The following LAMB1 variants were observed in gnomAD, a reference collection of about 807,000 sequenced individuals.
LAMB1 encodes laminin subunit beta 1.
In LAMB1, 121 loss-of-function variants were observed where a neutral mutation model predicts 222.3. The observed-to-expected ratio is 0.54, with a 90% CI of 0.47 to 0.63. The LOEUF is 0.63. LAMB1 is among the 30% of genes least tolerant of loss of function. The probability of loss-of-function intolerance (pLI) is 0.00; values close to 1 mark genes in which losing one functional copy is unlikely to be tolerated. For missense variants in LAMB1, 2,172 were observed against 2,240.8 expected (o/e 0.97, Z 0.62); for synonymous variants, 794 against 807.2 (o/e 0.98, Z 0.28).
chr7:107,974,341 T>C (rs2033808910), intron 12 of LAMB1, among the ~76,000 whole-genome samples: 2 of 151,084 alleles, frequency 1.3e-5, no homozygotes, highest in African/African-American at 4.9e-5. Flanking sequence ...CAAGATACTA[T>C]TCATATCCTG....
At position 107,975,079 on chromosome 7, in the gene LAMB1, C is replaced by T. The variant is rs2150438481; in HGVS notation, c.1389G>A (p.Leu463=). 1 of 1,610,352 alleles carries T rather than the reference C, an allele frequency of 6.2e-7. No individual in the cohort carries two copies. Among genetic ancestry groups the T allele is most frequent in the Non-Finnish European group, 8.5e-7 (1 of 1,176,666 alleles). ...AAGGATTCCCTCCAGGAATTGTTCC[C>T]AGAGGATTGCAAGCACAAGCTGTAT... ...FGCKSCACNP[L]GTIPGGNPCD... The change falls in exon 12 of 34, where the codon CTG becomes CTA. Residue 463 remains leucine, a synonymous_variant. Coordinates refer to ENST00000222399, the MANE Select transcript of LAMB1 (RefSeq NM_002291.3).
chr7:107,924,472 T>C, intron 32 of LAMB1, 83 bp from the exon 33 acceptor site: 3 of 1,099,088 alleles, frequency 2.7e-6, no homozygotes, highest in South Asian at 1.8e-5. Context: ...AATCATGGCA[T>C]GCATTCTGGA....
At chr7:108,001,937 A>G (rs1230462134) in intron 2 of LAMB1, 14 of 1,455,984 alleles carry the variant, frequency 9.6e-6, no homozygotes, top group African/African-American at 1.4e-5. Flanking sequence ...GGACACGGAA[A>G]GAAACCCACA....
intron 24 of LAMB1, among the ~76,000 whole-genome samples, chr7:107,943,096 G>A (rs1332790995): frequency 6.6e-6 from 1 of 152,168 alleles, no homozygotes; most frequent in Non-Finnish European, 1.5e-5. Flanking sequence ...AAGCTGTTTA[G>A]GCAAACCATG....
Position 107,931,342 on chromosome 7 carries a change from A to C in LAMB1, c.4537+14T>G. ...GAAACAAATGTCTAAAAGTAAAATGAAAAAATTTCTTACGGGTCAAAAAGT... is the reference window on the plus strand; with the variant it reads ...GAAACAAATGTCTAAAAGTAAAATGCAAAAATTTCTTACGGGTCAAAAAGT... On this transcript the variant is annotated intron_variant, in intron 29 of 33. Coordinates refer to ENST00000222399, the MANE Select transcript of LAMB1 (RefSeq NM_002291.3). 6.2e-7 allele frequency: 1 copy of C among 1,607,732 alleles called. No homozygotes were observed. Among genetic ancestry groups the C allele is most frequent in the Non-Finnish European group, 8.5e-7 (1 of 1,176,614 alleles).
chr7:107,927,974 T>C (rs2032604176), intron 31 of LAMB1, among the ~76,000 whole-genome samples: 1 of 152,170 alleles, frequency 6.6e-6, no homozygotes. Flanking sequence ...TATGGGAGCA[T>C]TTAATTTCAA....
At chr7:107,931,789 C>T in intron 28 of LAMB1, 1 of 472,030 alleles carries the variant, frequency 2.1e-6, no homozygotes, top group Non-Finnish European at 3.7e-6. Flanking sequence ...TTCTCAGGTG[C>T]CCACATAAAT....
At position 107,986,164 on chromosome 7, in the gene LAMB1, A is replaced by G; in HGVS notation, c.612+11T>C. On this transcript the variant is annotated intron_variant, in intron 6 of 33. Coordinates refer to ENST00000222399, the MANE Select transcript of LAMB1 (RefSeq NM_002291.3). The stretch of plus-strand genomic sequence containing the variant: ...TTGCAAGTAGAATGTAAAACACAGA[A>G]GCAAACAAACCTCTCCTTCAGTTGA... The G allele has an allele frequency of 1.2e-6, 2 of 1,613,392 alleles. No homozygotes were observed. Among genetic ancestry groups the G allele is most frequent in the Non-Finnish European group, 1.7e-6 (2 of 1,179,316 alleles).
chr7:107,930,634 G>C (rs1412931512), intron 29 of LAMB1, among the ~76,000 whole-genome samples: 1 of 152,166 alleles, frequency 6.6e-6, no homozygotes, highest in Non-Finnish European at 1.5e-5. Context: ...CTGCTTAAAG[G>C]CTTCTAGGGA....
intron 24 of LAMB1, among the ~76,000 whole-genome samples, chr7:107,943,786 T>C (rs568871990): frequency 1.3e-5 from 2 of 152,328 alleles, no homozygotes; most frequent in East Asian, 1.9e-4. Context: ...GCCCGCCTTC[T>C]GTATATTAGA....
chr7:107,953,420 G>A (rs2033302286), intron 22 of LAMB1, 110 bp downstream of exon 22: 1 of 863,684 alleles, frequency 1.2e-6, no homozygotes, highest in Non-Finnish European at 1.8e-6. Flanking sequence ...TTACCTCTCT[G>A]AACAAGTGTT....
chr7:107,931,895 C>A (rs1325287646), intron 28 of LAMB1, among the ~76,000 whole-genome samples: 2 of 152,138 alleles, frequency 1.3e-5, no homozygotes, highest in African/African-American at 4.8e-5. Flanking sequence ...ACCCTGGAGT[C>A]AGAAAAGTAA....
At chr7:107,944,001 GTGGTCAGGGTGAGGCAGCCCTC>G (rs1482596035) in intron 24 of LAMB1, among the ~76,000 whole-genome samples, 3 of 152,210 alleles carry the variant, frequency 2.0e-5, no homozygotes, top group East Asian at 3.9e-4. Flanking sequence ...CTACCAGCCA[GTGGTCAGGGTGAGGCAGCCCTC>G]TGGGGCCTAC....
chr7:107,992,218 G>A (rs1261315461), intron 5 of LAMB1, among the ~76,000 whole-genome samples: 3 of 152,196 alleles, frequency 2.0e-5, no homozygotes, highest in Non-Finnish European at 2.9e-5. Context: ...CCCAGGTCAA[G>A]TGCAGTCCCA....
In LAMB1 at chr7:107,960,646, C is replaced by T. The variant is rs34150332; in HGVS notation, c.2113G>A (p.Val705Ile). The T allele has an allele frequency of 3.1e-6, 5 of 1,613,988 alleles. No homozygotes were observed. The highest frequency in any genetic ancestry group is 2.5e-6 in the Non-Finnish European group (3 of 1,179,934). ...AGTGATTTACAGTATGGCATGAGAA[C>T]AAGCTGTGAAGAAATGAGAACGGCC... ...ESPYTLIDSL[V>I]LMPYCKSLDI... Residue 705 changes from valine to isoleucine, a missense_variant, in exon 18 of 34, where the codon GTT becomes ATT. Coordinates refer to ENST00000222399, the MANE Select transcript of LAMB1 (RefSeq NM_002291.3).
Position 107,923,859 on chromosome 7 carries a change from TAGGTGATGTTTTA to T in LAMB1, c.*79_*91del. 1.8e-6 allele frequency: 2 copies of T among 1,141,326 alleles called. No homozygotes were observed. The highest frequency in any genetic ancestry group is 4.8e-5 in the Admixed American group (2 of 41,618). The allele number at this position is 1,141,326 out of a possible 1,614,324, so 70.7% of individuals were successfully genotyped here. On this transcript the variant is annotated 3_prime_UTR_variant, in exon 34 of 34. Transcript: ENST00000222399. The stretch of plus-strand genomic sequence containing the variant: ...ACAAAATGTGATTAAAAACATTAAA[TAGGTGATGTTTTA>T]TTTTGAAGAGCATTAAGTCAGTTTT...
intron 5 of LAMB1, among the ~76,000 whole-genome samples, chr7:107,992,347 T>A (rs984272566): frequency 6.6e-6 from 1 of 152,266 alleles, no homozygotes; most frequent in Non-Finnish European, 1.5e-5. Flanking sequence ...TGTAAGTTAT[T>A]TGCAAGTATA....
chr7:107,929,685 T>G, intron 29 of LAMB1, 66 bp from the exon 30 acceptor site: 1 of 1,283,362 alleles, frequency 7.8e-7, no homozygotes, highest in Non-Finnish European at 1.1e-6. Context: ...ATTCAACCAC[T>G]TACTGGTCAT....
intron 31 of LAMB1, 140 bp downstream of exon 31, chr7:107,928,924 T>G (rs2032635708): frequency 3.6e-6 from 3 of 824,024 alleles, no homozygotes; most frequent in Non-Finnish European, 5.9e-6. Context: ...GCATCCATGC[T>G]AACGGAGTAG....
Sources: allele counts gnomAD v4.1 joint callset (sites outside exome capture counted in the v4.1 genomes callset), GRCh38; gene constraint gnomAD v4.1.1; transcripts MANE v1.5; gene names NCBI Gene and HGNC (gene_info 2026-07-23, HGNC 2026-07-21).